Variants in LSAMP observed in about 807,000 individuals in gnomAD.
LSAMP encodes the protein limbic system associated membrane protein.
Under a neutral mutation model 38.6 loss-of-function variants are expected in LSAMP, and 7 were observed. That is an observed-to-expected ratio of 0.18 (90% CI 0.10 to 0.34). LSAMP has a LOEUF of 0.34. Ranked by LOEUF, LSAMP falls within the 10% of genes least tolerant of loss-of-function variation. LSAMP has a pLI of 1.00. For missense variants in LSAMP, 313 were observed against 420.0 expected, an observed-to-expected ratio of 0.75 and a Z score of 2.23; for synonymous variants, 154 against 166.8, an observed-to-expected ratio of 0.92 and a Z score of 0.59.
At chr3:116,120,025 A>G (rs1448839157) in intron 1 of LSAMP, among the ~76,000 whole-genome samples, 1 of 152,184 alleles carries the variant, frequency 6.6e-6, no homozygotes, top group African/African-American at 2.4e-5. Context: ...ATATTTTCAA[A>G]GACAATCTTA....
intron 2 of LSAMP, among the ~76,000 whole-genome samples, chr3:116,069,651 G>T (rs907212153): frequency 6.6e-6 from 1 of 152,188 alleles, no homozygotes; most frequent in Non-Finnish European, 1.5e-5. Flanking sequence ...TGACTGAAAA[G>T]AAGAGATAAA....
Position 116,206,141 on chromosome 3 carries a change from T to C in LSAMP, c.156-119585A>G, listed in dbSNP as rs1247675105. On this transcript the variant is annotated intron_variant, in intron 1 of 6. Coordinates refer to ENST00000490035, the MANE Select transcript of LSAMP (RefSeq NM_002338.5). The stretch of plus-strand genomic sequence containing the variant: ...CCTGGTTTAGTCTTGGGAGAGTGTA[T>C]GTGTTGAGGAATTTATCCATTTCTT... Among the ~76,000 whole-genome samples the C allele has an allele frequency of 2.4e-3, 359 of 148,786 alleles. 1 individual carries two copies. The highest frequency in any genetic ancestry group is 7.8e-3 in the African/African-American group (315 of 40,378).
At chr3:116,350,995 C>A (rs75290074) in intron 1 of LSAMP, among the ~76,000 whole-genome samples, 1 of 152,078 alleles carries the variant, frequency 6.6e-6, no homozygotes, top group East Asian at 1.9e-4. Context: ...ACATTTCTTC[C>A]ACAGAGAAGG....
chr3:115,885,141 C>G (rs1262400393), intron 3 of LSAMP, among the ~76,000 whole-genome samples: 2 of 151,848 alleles, frequency 1.3e-5, no homozygotes, highest in African/African-American at 4.8e-5. Context: ...CAAACTCATT[C>G]AACAAGTACT....
chr3:116,120,041 A>C (rs1033142641), intron 1 of LSAMP, among the ~76,000 whole-genome samples: 16 of 152,194 alleles, frequency 1.1e-4, no homozygotes, highest in South Asian at 2.1e-4. Context: ...TCTTAGGATA[A>C]AATTTTATAA....
chr3:116,439,200 G>T (rs547734860), intron 1 of LSAMP, among the ~76,000 whole-genome samples: 1 of 152,148 alleles, frequency 6.6e-6, no homozygotes, highest in Admixed American at 6.5e-5. Context: ...TGCTCCCGTG[G>T]CTGTGAAGTA....
chr3:116,268,215 A>AATGTG (rs1048605571), intron 1 of LSAMP, among the ~76,000 whole-genome samples: 1 of 151,534 alleles, frequency 6.6e-6, no homozygotes. Flanking sequence ...TAAAAAAAAA[A>AATGTG]TGTGTGTGTG....
At chr3:115,880,503 A>G (rs1438035181) in intron 3 of LSAMP, among the ~76,000 whole-genome samples, 1 of 152,130 alleles carries the variant, frequency 6.6e-6, no homozygotes, top group African/African-American at 2.4e-5. Flanking sequence ...TCCTCTTGAG[A>G]TGCTCTTGAA....
At chr3:116,353,726 T>A (rs2048181337) in intron 1 of LSAMP, among the ~76,000 whole-genome samples, 1 of 152,092 alleles carries the variant, frequency 6.6e-6, no homozygotes, top group South Asian at 2.1e-4. Context: ...AACAATTCAT[T>A]TTCCATCCCA....
intron 1 of LSAMP, among the ~76,000 whole-genome samples, chr3:116,148,452 C>T (rs757057879): frequency 2.0e-5 from 3 of 151,822 alleles, no homozygotes; most frequent in East Asian, 1.9e-4. Flanking sequence ...AGCAAAAACT[C>T]GACATGTTGC....
intron 1 of LSAMP, among the ~76,000 whole-genome samples, chr3:116,341,149 A>G (rs1441955142): frequency 1.3e-5 from 2 of 152,060 alleles, no homozygotes; most frequent in African/African-American, 2.4e-5. Flanking sequence ...TGGAGTCTCT[A>G]TGAAAATATA....
chr3:116,131,382 C>T (rs1046582129), intron 1 of LSAMP, among the ~76,000 whole-genome samples: 3 of 152,080 alleles, frequency 2.0e-5, no homozygotes, highest in Non-Finnish European at 2.9e-5. Context: ...AGCCACCAAG[C>T]AATGAAACTA....
chr3:116,401,328 C>T (rs1384439385), intron 1 of LSAMP, among the ~76,000 whole-genome samples: 1 of 152,142 alleles, frequency 6.6e-6, no homozygotes, highest in African/African-American at 2.4e-5. Context: ...GTTGCCAAGG[C>T]TGGAGTGCAG....
chr3:115,887,803 G>A (rs1348566888), intron 3 of LSAMP, among the ~76,000 whole-genome samples: 1 of 151,906 alleles, frequency 6.6e-6, no homozygotes, highest in Non-Finnish European at 1.5e-5. Flanking sequence ...CGACCTTGGG[G>A]AGATTTGGGA....
At chr3:116,191,795 T>C (rs1248339147) in intron 1 of LSAMP, among the ~76,000 whole-genome samples, 5 of 490 alleles carry the variant, frequency 0.01, no homozygotes, top group African/African-American at 0.016. Context: ...TAAATTATAA[T>C]AGTTTTTTTT....
At chr3:116,165,400 T>A (rs1710025117) in intron 1 of LSAMP, among the ~76,000 whole-genome samples, 1 of 152,166 alleles carries the variant, frequency 6.6e-6, no homozygotes, top group South Asian at 2.1e-4. Flanking sequence ...GCTGGCAACA[T>A]AATGAATGTG....
intron 1 of LSAMP, among the ~76,000 whole-genome samples, chr3:116,287,196 T>G (rs942736154): frequency 2.0e-5 from 3 of 152,128 alleles, no homozygotes; most frequent in African/African-American, 7.2e-5. Flanking sequence ...TGGAGGATAG[T>G]GTGTCACATG....
chr3:115,805,113 G>T lies in LSAMP; in HGVS notation c.*5204C>A, dbSNP rs1933601253. 6.6e-6 allele frequency: 1 copy of T among 152,192 alleles called. No individual in the cohort carries two copies. Among genetic ancestry groups the T allele is most frequent in the Non-Finnish European group, 1.5e-5 (1 of 68,036 alleles). 9.4% of individuals were successfully genotyped at this position (152,192 alleles called of 1,614,324 possible). On this transcript the variant is annotated 3_prime_UTR_variant, in exon 7 of 7. Coordinates refer to ENST00000490035, the MANE Select transcript of LSAMP (RefSeq NM_002338.5). ...GATGGTGAGAAAGGAGTAAAAAGAA[G>T]ATAGCTGGGAGTGGATACAGCAGAC... is the stretch of plus-strand genomic sequence containing the variant.
chr3:116,371,909 G>A (rs2048435270), intron 1 of LSAMP, among the ~76,000 whole-genome samples: 1 of 151,956 alleles, frequency 6.6e-6, no homozygotes, highest in Non-Finnish European at 1.5e-5. Flanking sequence ...GAAAAGAAAT[G>A]TTTGGAAATA....
Sources: gnomAD v4.1 joint callset for allele counts (sites outside exome capture counted in the v4.1 genomes callset) on GRCh38, gnomAD v4.1.1 for gene constraint, MANE v1.5 for transcripts, NCBI Gene and HGNC (gene_info 2026-07-23, HGNC 2026-07-21) for gene names.